Variants in HMGCLL1 observed in about 807,000 individuals in gnomAD.
HMGCLL1 encodes 3-hydroxy-3-methylglutaryl-CoA lyase like 1.
In HMGCLL1, 36 loss-of-function variants were observed where a neutral mutation model predicts 39.1. The ratio of observed to expected loss-of-function variants is 0.92; its 90% confidence interval spans 0.71 to 1.22. HMGCLL1 has a LOEUF of 1.22. Among genes scored for constraint, HMGCLL1 ranks in the 50% most tolerant of loss-of-function variants. The pLI is 0.00. For synonymous variants in HMGCLL1, 149 were observed against 144.0 expected (o/e 1.03, Z -0.25); for missense variants, 451 against 416.5 (o/e 1.08, Z -0.72).
the HMGCLL1 span, among the ~76,000 whole-genome samples, chr6:55,673,258 T>C: frequency 1.1e-4 from 17 of 151,986 alleles, no homozygotes; most frequent in African/African-American, 3.6e-4. Context: ...AATCCAGCTA[T>C]ACTTAGCCTA....
the HMGCLL1 span, among the ~76,000 whole-genome samples, chr6:55,637,974 TTGAAACTA>T: frequency 6.6e-6 from 1 of 152,074 alleles, no homozygotes; most frequent in African/African-American, 2.4e-5. Context: ...CTGTCAAATG[TTGAAACTA>T]CAAAACTCAC....
chr6:55,450,225 G>T (rs145192895), intron 7 of HMGCLL1, among the ~76,000 whole-genome samples: 275 of 152,316 alleles, frequency 1.8e-3, no homozygotes, highest in South Asian at 0.012. Context: ...GAAAATGACA[G>T]CTGAGAAAAT....
intron 7 of HMGCLL1, among the ~76,000 whole-genome samples, chr6:55,449,549 A>C (rs1763992631): frequency 6.6e-6 from 1 of 152,216 alleles, no homozygotes; most frequent in Admixed American, 6.5e-5. Flanking sequence ...TTATATCAGC[A>C]TAGCCAATTG....
the HMGCLL1 span, among the ~76,000 whole-genome samples, chr6:55,646,161 A>G: frequency 2.6e-5 from 4 of 151,846 alleles, no homozygotes; most frequent in African/African-American, 9.7e-5. Flanking sequence ...TTTCTTCTAG[A>G]TATTCCAACT....
chr6:55,513,976 C>A, intron 5 of HMGCLL1, 72 bp downstream of exon 5: 2 of 1,272,596 alleles, frequency 1.6e-6, no homozygotes, highest in Non-Finnish European at 2.2e-6. Flanking sequence ...ATATAAGAAT[C>A]TCTAGATAAT....
chr6:55,459,887 A>G (rs1430173695), intron 7 of HMGCLL1, among the ~76,000 whole-genome samples: 1 of 152,026 alleles, frequency 6.6e-6, no homozygotes, highest in African/African-American at 2.4e-5. Context: ...ATAACTCTGT[A>G]TATGTGTGTG....
intron 7 of HMGCLL1, among the ~76,000 whole-genome samples, chr6:55,491,928 T>TAA (rs536222939): frequency 4.7e-5 from 7 of 149,214 alleles, no homozygotes; most frequent in African/African-American, 1.7e-4. Flanking sequence ...ATTTAAGTAA[T>TAA]AAAAAAAAAA....
the HMGCLL1 span, among the ~76,000 whole-genome samples, chr6:55,655,029 G>C: frequency 6.6e-6 from 1 of 152,000 alleles, no homozygotes; most frequent in African/African-American, 2.4e-5. Context: ...CACTGTTGGA[G>C]AAAATTTTAA....
chr6:55,450,008 G>A (rs1035920847), intron 7 of HMGCLL1, among the ~76,000 whole-genome samples: 2 of 151,946 alleles, frequency 1.3e-5, no homozygotes, highest in Non-Finnish European at 2.9e-5. Context: ...TTCCATTTCT[G>A]AGTTCCCTGA....
the HMGCLL1 span, among the ~76,000 whole-genome samples, chr6:55,650,134 TAC>T: frequency 0.022 from 1,160 of 52,936 alleles, 52 homozygotes; most frequent in African/African-American, 0.052. Flanking sequence ...TATATATATA[TAC>T]ACACACACAC....
At chr6:55,513,007 C>T (rs1334254260) in intron 5 of HMGCLL1, 3 of 152,086 alleles carry the variant, frequency 2.0e-5, no homozygotes, top group African/African-American at 7.2e-5. Context: ...GGTTATAATA[C>T]TTGAGGCAAC....
At chr6:55,487,690 C>CTA (rs1291420070) in intron 7 of HMGCLL1, among the ~76,000 whole-genome samples, 4 of 152,160 alleles carry the variant, frequency 2.6e-5, no homozygotes, top group African/African-American at 9.6e-5. Context: ...TTAATCCAGT[C>CTA]TATCATTGAT....
intron 1 of HMGCLL1, among the ~76,000 whole-genome samples, chr6:55,547,894 T>C (rs1387588862): frequency 6.6e-6 from 1 of 152,050 alleles, no homozygotes; most frequent in Non-Finnish European, 1.5e-5. Flanking sequence ...ATATAGCAGA[T>C]ATCCATAGAA....
chr6:55,508,055 G>A (rs1767258408), intron 5 of HMGCLL1, among the ~76,000 whole-genome samples: 1 of 151,656 alleles, frequency 6.6e-6, no homozygotes, highest in Admixed American at 6.6e-5. Context: ...GGATTCCAAA[G>A]ATCAGTAAAT....
intron 7 of HMGCLL1, among the ~76,000 whole-genome samples, chr6:55,482,632 G>A (rs980863033): frequency 8.6e-5 from 13 of 152,042 alleles, no homozygotes; most frequent in Admixed American, 5.9e-4. Flanking sequence ...TTTGGTTACT[G>A]AAGCAAATGT....
intron 7 of HMGCLL1, among the ~76,000 whole-genome samples, chr6:55,460,157 T>C (rs1652829422): frequency 6.6e-6 from 1 of 151,986 alleles, no homozygotes. Flanking sequence ...GCCTCTGTAA[T>C]ATATAGCTGT....
At chr6:55,667,969 G>A in the HMGCLL1 span, among the ~76,000 whole-genome samples, 47,175 of 151,238 alleles carry the variant, frequency 0.31, 7,497 homozygotes, top group East Asian at 0.41. Flanking sequence ...AATACCTTTT[G>A]AATGCCCTGA....
intron 1 of HMGCLL1, among the ~76,000 whole-genome samples, chr6:55,546,570 C>T (rs1241664452): frequency 6.6e-6 from 1 of 152,040 alleles, no homozygotes; most frequent in Non-Finnish European, 1.5e-5. Context: ...AAAACTCCTG[C>T]CCATAACTAG....
Position 55,514,048 on chromosome 6 carries a change from C to T in HMGCLL1, c.542G>A (p.Gly181Glu), listed in dbSNP as rs748038716. ...SARHMNIPAR[G>E]YVSCALGCPY... ...AGAATTTGTGGGATTTCATAAGTAC[C>T]CTCGTGCTGGAATATTCATGTGTCT... The change falls in exon 5 of 9, where the codon GGG becomes GAG. Residue 181 changes from glycine (G) to glutamate (E), a missense_variant and splice_region_variant. Gly to Glu is a moderately conservative substitution (Grantham distance 98). Transcript: ENST00000274901. 1 of 1,608,804 alleles carries T rather than the reference C, an allele frequency of 6.2e-7. No homozygotes were observed. The highest frequency in any genetic ancestry group is 8.5e-7 in the Non-Finnish European group (1 of 1,178,248).
Sources: gnomAD v4.1 joint callset for allele counts (sites outside exome capture counted in the v4.1 genomes callset) on GRCh38, gnomAD v4.1.1 for gene constraint, MANE v1.5 for transcripts, NCBI Gene and HGNC (gene_info 2026-07-23, HGNC 2026-07-21) for gene names.